Variants in SORT1 observed in about 807,000 individuals in gnomAD.
SORT1 encodes sortilin 1, also known as sortilin.
A neutral mutation model predicts 101.7 loss-of-function variants in SORT1; 39 were observed. That is an observed-to-expected ratio of 0.38 (90% CI 0.30 to 0.50). SORT1 has a LOEUF of 0.50. Ranked by LOEUF, SORT1 falls within the 20% of genes least tolerant of loss-of-function variation. The pLI is 0.90. For missense variants in SORT1, 878 were observed against 1,040.4 expected (o/e 0.84, Z 2.15); for synonymous variants, 396 against 393.7 (o/e 1.01, Z -0.07).
At chr1:109,363,876 T>C (rs1339173695) in intron 3 of SORT1, among the ~76,000 whole-genome samples, 1 of 152,186 alleles carries the variant, frequency 6.6e-6, no homozygotes, top group African/African-American at 2.4e-5. Flanking sequence ...TTCTCATTTC[T>C]GAAACAACAG....
At chr1:109,346,879 T>C (rs1407015435) in intron 7 of SORT1, among the ~76,000 whole-genome samples, 1 of 152,168 alleles carries the variant, frequency 6.6e-6, no homozygotes, top group African/African-American at 2.4e-5. Context: ...TCTTGCCACA[T>C]TGCCCAAGCT....
chr1:109,324,912 G>C lies in SORT1; in HGVS notation c.1821C>G (p.Ile607Met), dbSNP rs759462776. The C allele has an allele frequency of 1.9e-6, 3 of 1,604,198 alleles. No individual in the cohort carries two copies. Among genetic ancestry groups the C allele is most frequent in the Non-Finnish European group, 2.6e-6 (3 of 1,173,236 alleles). ...WVSYTIDFKD[I>M]LERNCEEKDY... The stretch of plus-strand genomic sequence containing the variant: ...GGAGACACTCACAGTTCCTTTCAAG[G>C]ATATCTTTAAAATCAATGGTGTAGG... Residue 607 changes from isoleucine to methionine, a missense_variant, in exon 14 of 20, where the codon ATC becomes ATG. By Grantham distance (10) the Ile-to-Met change is conservative (BLOSUM62 1). This residue lies in a region of SORT1 where 684 missense variants were observed against 894.5 expected (regional missense o/e 0.76). Coordinates refer to ENST00000256637, the MANE Select transcript of SORT1 (RefSeq NM_002959.7).
chr1:109,372,888 G>C (rs1310937368), intron 1 of SORT1, among the ~76,000 whole-genome samples: 1 of 149,186 alleles, frequency 6.7e-6, no homozygotes, highest in Admixed American at 6.7e-5. Flanking sequence ...GACAGAGCGA[G>C]GCTCCGTCTC....
In SORT1 at chr1:109,350,897, G is replaced by A. The variant is rs1199149503; in HGVS notation, c.782+32C>T. The A allele has an allele frequency of 3.5e-6, 5 of 1,430,528 alleles. No individual in the cohort carries two copies. The Admixed American group carries it at 5.0e-5, about 14-fold the overall frequency. 88.6% of individuals were successfully genotyped at this position (1,430,528 alleles called of 1,614,324 possible). On this transcript the variant is annotated intron_variant, in intron 6 of 19. Transcript: ENST00000256637. ...GCAGCGCTATCAGGAAGGGTTTAGG[G>A]CTCTGCACAGATGGAGTCTTCTGTT...
At chr1:109,386,144 C>A (rs1264680005) in intron 1 of SORT1, among the ~76,000 whole-genome samples, 2 of 152,144 alleles carry the variant, frequency 1.3e-5, no homozygotes, top group African/African-American at 4.8e-5. Context: ...TGCTCAAAGT[C>A]AAAAAGTTGG....
chr1:109,351,676 T>C (rs1489262513), intron 5 of SORT1, among the ~76,000 whole-genome samples: 1 of 152,160 alleles, frequency 6.6e-6, no homozygotes, highest in African/African-American at 2.4e-5. Context: ...TGGTAAGGAC[T>C]CCAGGGTTTA....
At chr1:109,372,852 G>T (rs1188037304) in intron 1 of SORT1, among the ~76,000 whole-genome samples, 6 of 150,150 alleles carry the variant, frequency 4.0e-5, no homozygotes, top group Non-Finnish European at 8.9e-5. Flanking sequence ...TGAGCCGAGA[G>T]CGCGCCACTG....
At chr1:109,364,164 G>GT (rs1650925619) in intron 3 of SORT1, among the ~76,000 whole-genome samples, 1 of 152,160 alleles carries the variant, frequency 6.6e-6, no homozygotes, top group Non-Finnish European at 1.5e-5. Context: ...AAATAGAATT[G>GT]CACTCTAGTA....
chr1:109,314,382 AAC>A lies in SORT1; in HGVS notation c.2358_2359del (p.Arg786SerfsTer31). 1 of 1,613,770 alleles carries A rather than the reference AAC, an allele frequency of 6.2e-7. No homozygotes were observed. The highest frequency in any genetic ancestry group is 8.5e-7 in the Non-Finnish European group (1 of 1,179,974). On this transcript the variant is annotated frameshift_variant and splice_region_variant, in exon 19 of 20. Transcript: ENST00000256637. LOFTEE classifies it high-confidence loss of function. ...CAGCACAGAGTATCGATGCACCAGG[AAC>A]CTGTGAACAGAAACCTCCTTAACAC...
At chr1:109,315,461 A>C (rs1213184152) in intron 17 of SORT1, among the ~76,000 whole-genome samples, 1 of 152,040 alleles carries the variant, frequency 6.6e-6, no homozygotes, top group Non-Finnish European at 1.5e-5. Flanking sequence ...AAGGGTGCAC[A>C]GAAGGAGGAA....
At chr1:109,316,776 GCTTTAA>G (rs1197013564) in intron 17 of SORT1, 68 bp downstream of exon 17, 3 of 960,390 alleles carry the variant, frequency 3.1e-6, no homozygotes, top group East Asian at 2.5e-5. Context: ...AACTCTTGAT[GCTTTAA>G]CTTTGATTTT....
intron 11 of SORT1, among the ~76,000 whole-genome samples, chr1:109,328,647 ATATTTCCTCATGGG>A (rs1245989275): frequency 8.5e-5 from 13 of 152,232 alleles, no homozygotes; most frequent in Non-Finnish European, 1.6e-4. Context: ...CTGGAAGCAA[ATATTTCCTCATGGG>A]TAACCTGTCT....
chr1:109,397,882 G>A lies in SORT1; in HGVS notation c.11C>T (p.Pro4Leu), dbSNP rs1308812324. ...CGAGAGGCCGTCCGCAGCTCCCCAG[G>A]GCCGCTCCATCGCCGCCGAATGCCG... MERPWGAADGLSRW... is the reference protein window; with the variant it reads MERLWGAADGLSRW... Residue 4 changes from proline to leucine, a missense_variant, in exon 1 of 20, where the codon CCC (proline) becomes CTC (leucine). Pro to Leu is a moderately conservative substitution (Grantham distance 98, BLOSUM62 -3). Around this residue, in one of 2 missense-constraint regions of SORT1, gnomAD observed 194 missense variants for 145.9 expected, o/e 1.33. Transcript: ENST00000256637. 9.3e-6 allele frequency: 11 copies of A among 1,184,006 alleles called. No homozygotes were observed. The highest frequency in any genetic ancestry group is 2.1e-6 in the Non-Finnish European group (2 of 956,322). The allele number at this position is 1,184,006 out of a possible 1,614,324, so 73.3% of individuals were successfully genotyped here. A position where few individuals can be genotyped will look rare whatever the true frequency, so the allele number is the denominator to read the frequency against.
intron 4 of SORT1, 29 bp downstream of exon 4, chr1:109,355,338 A>C: frequency 9.0e-7 from 1 of 1,111,888 alleles, no homozygotes. Flanking sequence ...ATCAAGCACA[A>C]GCTTTATGTA....
intron 1 of SORT1, among the ~76,000 whole-genome samples, chr1:109,372,855 C>T (rs1253702044): frequency 6.7e-6 from 1 of 149,578 alleles, no homozygotes; most frequent in Non-Finnish European, 1.5e-5. Flanking sequence ...GCCGAGAGCG[C>T]GCCACTGCAC....
intron 1 of SORT1, among the ~76,000 whole-genome samples, chr1:109,383,172 T>C (rs981325324): frequency 6.6e-6 from 1 of 152,168 alleles, no homozygotes; most frequent in Non-Finnish European, 1.5e-5. Context: ...ACCTGCACTA[T>C]TGCATGTGGG....
chr1:109,385,410 C>CACTT (rs1652514284), intron 1 of SORT1, among the ~76,000 whole-genome samples: 1 of 152,122 alleles, frequency 6.6e-6, no homozygotes, highest in Non-Finnish European at 1.5e-5. Context: ...AAACCTTTGG[C>CACTT]ACTTATAAAA....
At position 109,316,934 on chromosome 1, in the gene SORT1, T is replaced by C; in HGVS notation, c.2166A>G (p.Lys722=). The C allele has an allele frequency of 6.2e-7, 1 of 1,610,668 alleles. No individual in the cohort carries two copies. Among genetic ancestry groups the C allele is most frequent in the Non-Finnish European group, 8.5e-7 (1 of 1,178,652 alleles). Residue 722 remains lysine (K), a synonymous_variant, in exon 17 of 20, where the codon AAA becomes AAG. Transcript: ENST00000256637. ...TNGYRKIPGD[K]CQGGVNPVRE... ...GAACTGGATTTACCCCACCCTGGCA[T>C]TTGTCCCCTGGAATTTTCCGGTACC...
chr1:109,382,429 C>G (rs187881666), intron 1 of SORT1, among the ~76,000 whole-genome samples: 1 of 152,162 alleles, frequency 6.6e-6, no homozygotes, highest in Non-Finnish European at 1.5e-5. Flanking sequence ...AACCACCACG[C>G]CTGGACGCAT....
Sources: gnomAD v4.1 joint callset for allele counts (sites outside exome capture counted in the v4.1 genomes callset) on GRCh38, gnomAD v4.1.1 for gene constraint, gnomAD v4.1.1 regional missense constraint, MANE v1.5 for transcripts, NCBI Gene and HGNC (gene_info 2026-07-23, HGNC 2026-07-21) for gene names.